The following PCDH7 variants were observed in gnomAD, a reference collection of about 807,000 sequenced individuals.
PCDH7 encodes protocadherin 7.
A neutral mutation model predicts 58.9 loss-of-function variants in PCDH7; 17 were observed. That is an observed-to-expected ratio of 0.29 (90% confidence interval 0.20 to 0.43). The LOEUF (loss-of-function observed/expected upper bound fraction) is 0.43. Ranked by LOEUF, PCDH7 falls within the 20% of genes least tolerant of loss-of-function variation. PCDH7 has a pLI of 1.00. For synonymous variants in PCDH7, 664 were observed against 616.4 expected (o/e 1.08, Z -1.14); for missense variants, 1,274 against 1,441.0 (o/e 0.88, Z 1.88).
chr4:31,104,995 T>C (rs887092551), intron 3 of PCDH7, among the ~76,000 whole-genome samples: 1 of 152,220 alleles, frequency 6.6e-6, no homozygotes, highest in East Asian at 1.9e-4. Context: ...AATTGGTATG[T>C]GATATTTCAA....
At chr4:31,019,300 A>G (rs970167126) in intron 3 of PCDH7, among the ~76,000 whole-genome samples, 1 of 152,172 alleles carries the variant, frequency 6.6e-6, no homozygotes, top group African/African-American at 2.4e-5. Flanking sequence ...AGCTTTTCAA[A>G]AATTAAAAAG....
chr4:30,945,194 G>C (rs1330305597), intron 2 of PCDH7, among the ~76,000 whole-genome samples: 1 of 151,956 alleles, frequency 6.6e-6, no homozygotes, highest in Non-Finnish European at 1.5e-5. Flanking sequence ...ATTTACTCTA[G>C]ATTTAAGAAA....
intron 1 of PCDH7, among the ~76,000 whole-genome samples, chr4:30,823,539 T>G (rs1322997565): frequency 6.6e-6 from 1 of 152,110 alleles, no homozygotes; most frequent in African/African-American, 2.4e-5. Flanking sequence ...CAGATACTGC[T>G]GAGATTACAA....
chr4:30,955,845 G>T (rs932269436), intron 3 of PCDH7, among the ~76,000 whole-genome samples: 1 of 151,774 alleles, frequency 6.6e-6, no homozygotes, highest in Admixed American at 6.6e-5. Context: ...CACCGTGCTC[G>T]GCCAAGGCCA....
At chr4:30,979,143 A>G (rs1457454068) in intron 3 of PCDH7, among the ~76,000 whole-genome samples, 1 of 151,834 alleles carries the variant, frequency 6.6e-6, no homozygotes, top group Non-Finnish European at 1.5e-5. Context: ...TGGCTAACAC[A>G]GTGAAACCCT....
intron 1 of PCDH7, among the ~76,000 whole-genome samples, chr4:30,916,722 T>C (rs1370497499): frequency 6.6e-6 from 1 of 152,236 alleles, no homozygotes; most frequent in East Asian, 1.9e-4. Context: ...GAAACTATTT[T>C]ATACCCTTAA....
chr4:30,830,875 A>G (rs7685813), intron 1 of PCDH7, among the ~76,000 whole-genome samples: 42,793 of 151,982 alleles, frequency 0.28, 6,366 homozygotes, highest in East Asian at 0.48. Flanking sequence ...TCATTTCCTC[A>G]TAATGCTGCC....
Position 30,721,348 on chromosome 4 carries a change from G to T in PCDH7, c.-75G>T. 1 of 1,367,114 alleles carries T rather than the reference G, an allele frequency of 7.3e-7. No individual in the cohort carries two copies. 84.7% of individuals were successfully genotyped at this position (1,367,114 alleles called of 1,614,324 possible). On this transcript the variant is annotated 5_prime_UTR_variant, in exon 1 of 2. Coordinates refer to ENST00000361762, the Ensembl canonical transcript of PCDH7. This position sits in a 1 kb window ranked among gnomAD's most constrained non-coding sequence, Gnocchi z 6.7. Reference sequence around the variant, plus strand: ...GGGGAGAGGACTCGGGGGAGGGCAGGCGGCCGGCCCCGGAGGAGGGGGGCG... The same window carrying T: ...GGGGAGAGGACTCGGGGGAGGGCAGTCGGCCGGCCCCGGAGGAGGGGGGCG...
At chr4:31,064,391 C>A (rs1035064589) in intron 3 of PCDH7, among the ~76,000 whole-genome samples, 14 of 151,854 alleles carry the variant, frequency 9.2e-5, no homozygotes, top group African/African-American at 3.1e-4. Flanking sequence ...GTTTGTAGGG[C>A]GTGTGTGTCT....
rs535977275 is a variant in PCDH7, at chr4:30,795,509, G to C, written c.70+70913G>C. ...CTGGTTGAGCTAAGATTCTAGAATT[G>C]GTCTCAGTGCAAAGCGAACATTGCC... On this transcript the variant is annotated intron_variant, in intron 1 of 3. Coordinates refer to the PCDH7 transcript ENST00000509759. 2.6e-5 allele frequency among the ~76,000 whole-genome samples: 4 copies of C among 152,286 alleles called. No homozygotes were observed. In the South Asian group the frequency reaches 8.3e-4, roughly 32 times the overall value.
chr4:31,129,412 C>A (rs1418914770), intron 3 of PCDH7, among the ~76,000 whole-genome samples: 1 of 152,040 alleles, frequency 6.6e-6, no homozygotes. Context: ...ATCATGAATA[C>A]ATTGAACAAC....
chr4:31,053,585 A>G (rs1371903460), intron 3 of PCDH7, among the ~76,000 whole-genome samples: 4 of 152,134 alleles, frequency 2.6e-5, no homozygotes, highest in African/African-American at 7.2e-5. Flanking sequence ...AAATGAAAAT[A>G]AAAAATAAAA....
intron 1 of PCDH7, among the ~76,000 whole-genome samples, chr4:30,770,099 C>A (rs1397643487): frequency 6.6e-6 from 1 of 152,138 alleles, no homozygotes; most frequent in African/African-American, 2.4e-5. Context: ...GGTGGGTATC[C>A]TGAGTTCAAA....
chr4:30,777,287 C>A (rs1722191694), intron 1 of PCDH7, among the ~76,000 whole-genome samples: 1 of 152,156 alleles, frequency 6.6e-6, no homozygotes, highest in African/African-American at 2.4e-5. Flanking sequence ...GTTAGTATCA[C>A]TAATTGAAAC....
chr4:30,948,859 A>C lies in PCDH7; in HGVS notation c.288-1261A>C, dbSNP rs1300283793. 1.3e-4 allele frequency among the ~76,000 whole-genome samples: 20 copies of C among 152,298 alleles called. No individual in the cohort carries two copies. In the East Asian group the frequency reaches 3.7e-3, roughly 28 times the overall value. On this transcript the variant is annotated intron_variant, in intron 2 of 3. Coordinates refer to the PCDH7 transcript ENST00000509759. ...TGGCTAATCATAAGGAGTGTGTCAA[A>C]GACCAGAGGAGTTGAAAACTGGGAA...
downstream of PCDH7, among the ~76,000 whole-genome samples, chr4:30,737,307 A>G (rs1048360030): frequency 6.6e-6 from 1 of 152,224 alleles, no homozygotes; most frequent in African/African-American, 2.4e-5. Flanking sequence ...GAATTTCTCT[A>G]ACCTCTTTTT....
intron 3 of PCDH7, among the ~76,000 whole-genome samples, chr4:31,007,929 A>C (rs1408215350): frequency 6.6e-6 from 1 of 152,124 alleles, no homozygotes; most frequent in Non-Finnish European, 1.5e-5. Flanking sequence ...TTTACCCTGA[A>C]ATCTCATTGT....
At chr4:31,026,381 C>T (rs763808602) in intron 3 of PCDH7, among the ~76,000 whole-genome samples, 8 of 152,300 alleles carry the variant, frequency 5.3e-5, no homozygotes, top group Non-Finnish European at 1.0e-4. Context: ...TGATCGGCAA[C>T]AGCCAGGCTA....
chr4:31,122,770 G>T (rs764745255), intron 3 of PCDH7, among the ~76,000 whole-genome samples: 40 of 151,522 alleles, frequency 2.6e-4, no homozygotes, highest in Non-Finnish European at 5.3e-4. Flanking sequence ...AAAAAAATAT[G>T]ATTCGAAAAT....
Sources: allele counts gnomAD v4.1 joint callset (sites outside exome capture counted in the v4.1 genomes callset), GRCh38; gene constraint gnomAD v4.1.1; non-coding constraint Gnocchi (gnomAD v3.1); transcripts MANE v1.5; gene names NCBI Gene and HGNC (gene_info 2026-07-23, HGNC 2026-07-21).